The following IL1RL2 variants were observed in gnomAD, a reference collection of about 807,000 sequenced individuals.
IL1RL2 encodes the protein interleukin-1 receptor-like 2.
A neutral mutation model predicts 66.8 loss-of-function variants in IL1RL2; 68 were observed. That is an observed-to-expected ratio of 1.02 (90% confidence interval 0.84 to 1.25). IL1RL2 has a LOEUF of 1.25. Among genes scored for constraint, IL1RL2 ranks in the 50% most tolerant of loss-of-function variants. The pLI, the probability that IL1RL2 is intolerant of heterozygous loss-of-function variation, is 0.00. For synonymous variants in IL1RL2, 305 were observed against 264.6 expected (o/e 1.15, Z -1.48); for missense variants, 729 against 709.3 (o/e 1.03, Z -0.32).
intron 9 of IL1RL2, among the ~76,000 whole-genome samples, chr2:102,228,182 G>A (rs1024732313): frequency 3.3e-5 from 5 of 152,142 alleles, no homozygotes; most frequent in African/African-American, 7.2e-5. Flanking sequence ...CTCTGTCTAC[G>A]AGAACTGCCC....
At chr2:102,235,826 A>G in intron 11 of IL1RL2, 1 of 985,436 alleles carries the variant, frequency 1.0e-6, no homozygotes, top group African/African-American at 1.7e-5. Flanking sequence ...AGCTGCAAAC[A>G]CAGCCTTAGC....
rs189629312 is a variant in IL1RL2 at position 102,235,323 on chromosome 2, G to A, written c.1678+46G>A. 5.7e-4 allele frequency: 904 copies of A among 1,580,818 alleles called. 3 individuals are homozygous for A. In the African/African-American group the frequency reaches 0.011, roughly 19 times the overall value. On this transcript the variant is annotated intron_variant, in intron 11 of 11. Transcript: ENST00000264257. ...GAGGTTTGTCACGCACTGATGGAGG[G>A]TCTATCATTGCGTGGTGGCTCACAG...
At chr2:102,238,126 C>G (rs932252909) in intron 11 of IL1RL2, among the ~76,000 whole-genome samples, 5 of 152,170 alleles carry the variant, frequency 3.3e-5, no homozygotes, top group African/African-American at 1.2e-4. Flanking sequence ...TTAGAGACCC[C>G]CCTGGGAATC....
chr2:102,188,385 C>T (rs1014675626), intron 2 of IL1RL2, among the ~76,000 whole-genome samples: 1 of 151,892 alleles, frequency 6.6e-6, no homozygotes, highest in African/African-American at 2.4e-5. Context: ...GAGATCTAGA[C>T]CATCCTGGCT....
intron 5 of IL1RL2, among the ~76,000 whole-genome samples, chr2:102,205,072 C>T (rs2104774290): frequency 6.6e-6 from 1 of 152,012 alleles, no homozygotes; most frequent in East Asian, 1.9e-4. Flanking sequence ...TATTTTATAA[C>T]CCATTATTTT....
intron 8 of IL1RL2, among the ~76,000 whole-genome samples, chr2:102,222,098 T>C (rs1690192740): frequency 1.3e-5 from 2 of 152,332 alleles, no homozygotes; most frequent in South Asian, 4.1e-4. Flanking sequence ...GTCCTAATAA[T>C]ACAATTTATT....
chr2:102,207,794 C>T (rs1688829172), intron 5 of IL1RL2, among the ~76,000 whole-genome samples: 1 of 152,184 alleles, frequency 6.6e-6, no homozygotes, highest in Non-Finnish European at 1.5e-5. Context: ...CGTCTCTGGG[C>T]AGCACTAGGA....
intron 4 of IL1RL2, among the ~76,000 whole-genome samples, chr2:102,194,101 G>A (rs1687460379): frequency 1.3e-5 from 2 of 152,096 alleles, no homozygotes; most frequent in South Asian, 2.1e-4. Flanking sequence ...TAGCACCTCC[G>A]AAGGCCCACC....
intron 10 of IL1RL2, among the ~76,000 whole-genome samples, chr2:102,233,534 G>C (rs750568870): frequency 6.6e-6 from 1 of 152,254 alleles, no homozygotes; most frequent in Non-Finnish European, 1.5e-5. Flanking sequence ...AAATCAGGTC[G>C]TGCTTAAAGC....
At chr2:102,187,161 A>C in intron 1 of IL1RL2, 75 bp downstream of exon 1, 1 of 1,265,236 alleles carries the variant, frequency 7.9e-7, no homozygotes, top group Non-Finnish European at 1.0e-6. Context: ...GTGCAGGAAA[A>C]GACGTGGCAA....
chr2:102,189,764 C>T (rs1314274247), intron 3 of IL1RL2, among the ~76,000 whole-genome samples: 2 of 152,182 alleles, frequency 1.3e-5, no homozygotes, highest in Non-Finnish European at 2.9e-5. Flanking sequence ...ATTATAGGCG[C>T]TTGGCTATAT....
intron 2 of IL1RL2, 73 bp from the exon 3 acceptor site, chr2:102,189,003 A>G (rs1020457505): frequency 8.6e-7 from 1 of 1,158,980 alleles, no homozygotes. Context: ...GAGGCATTTA[A>G]AAAAACTAAC....
At chr2:102,240,636 G>A (rs1675205178), downstream of IL1RL2, among the ~76,000 whole-genome samples, 1 of 152,104 alleles carries the variant, frequency 6.6e-6, no homozygotes, top group South Asian at 2.1e-4. Context: ...ACCAACTTAT[G>A]CCTTTCCACT....
intron 8 of IL1RL2, among the ~76,000 whole-genome samples, chr2:102,221,309 C>G (rs1425274930): frequency 6.6e-6 from 1 of 152,120 alleles, no homozygotes; most frequent in Non-Finnish European, 1.5e-5. Flanking sequence ...AATCTCTTTC[C>G]CCTTTATGGC....
At chr2:102,195,322 C>T (rs1260383874) in intron 4 of IL1RL2, among the ~76,000 whole-genome samples, 1 of 152,168 alleles carries the variant, frequency 6.6e-6, no homozygotes, top group East Asian at 1.9e-4. Context: ...TTTCCTACCC[C>T]TAAGTAAAAA....
At chr2:102,207,271 G>A (rs999585768) in intron 5 of IL1RL2, among the ~76,000 whole-genome samples, 20 of 152,262 alleles carry the variant, frequency 1.3e-4, no homozygotes, top group Middle Eastern at 3.4e-3. Context: ...TGAAGTGCAA[G>A]ACAAACTTTT....
At chr2:102,209,690 CAG>C (rs1688994680) in intron 5 of IL1RL2, among the ~76,000 whole-genome samples, 2 of 152,122 alleles carry the variant, frequency 1.3e-5, no homozygotes, top group East Asian at 3.9e-4. Context: ...GGTGCAAATG[CAG>C]AGTCATTGGG....
intron 5 of IL1RL2, among the ~76,000 whole-genome samples, chr2:102,206,761 G>A (rs1410971222): frequency 1.3e-5 from 2 of 152,198 alleles, no homozygotes; most frequent in Non-Finnish European, 2.9e-5. Flanking sequence ...TTAGGCCCTG[G>A]TGCTCTACAA....
chr2:102,201,495 C>T, intron 4 of IL1RL2, 61 bp from the exon 5 acceptor site: 1 of 1,500,224 alleles, frequency 6.7e-7, no homozygotes, highest in Non-Finnish European at 9.3e-7. Context: ...TACCTAAATA[C>T]TAGGGATCAC....
Sources: gnomAD v4.1 joint callset for allele counts (sites outside exome capture counted in the v4.1 genomes callset) on GRCh38, gnomAD v4.1.1 for gene constraint, MANE v1.5 for transcripts, NCBI Gene and HGNC (gene_info 2026-07-23, HGNC 2026-07-21) for gene names.